COL7A1: variants seen among roughly 807,000 people sequenced by gnomAD.
The protein encoded by COL7A1 is collagen alpha-1(VII) chain.
In COL7A1, 296 loss-of-function variants were observed where a neutral mutation model predicts 456.2. That is an observed-to-expected ratio of 0.65 (90% CI 0.59 to 0.71). The LOEUF (loss-of-function observed/expected upper bound fraction) is 0.71, where lower values mean the gene tolerates loss of function less well. Among genes scored for constraint, COL7A1 ranks in the 30% least tolerant of loss-of-function variants. The probability of loss-of-function intolerance (pLI) is 0.00; values close to 1 mark genes in which losing one functional copy is unlikely to be tolerated. For synonymous variants in COL7A1, 1,464 were observed against 1,525.9 expected (o/e 0.96, Z 0.95); for missense variants, 3,441 against 4,017.2 (o/e 0.86, Z 3.88).
Position 48,574,989 on chromosome 3 carries a change from A to C in COL7A1, c.6279+75T>G. The C allele has an allele frequency of 1.3e-6, 2 of 1,574,006 alleles. No homozygotes were observed. Among genetic ancestry groups the C allele is most frequent in the Non-Finnish European group, 1.7e-6 (2 of 1,145,102 alleles). ...TTCCAGGGTTATGGCACACACTACC[A>C]TATTTCTGGGGACCAAGCTAAGGGT... On this transcript the variant is annotated intron_variant, in intron 76 of 118. Coordinates refer to ENST00000681320, the MANE Select transcript of COL7A1 (RefSeq NM_000094.4). The surrounding 1 kb of genome is among the most constrained non-coding windows in gnomAD (Gnocchi z 5.0).
In COL7A1 at chr3:48,582,174, G is replaced by A. The variant is rs539552717; in HGVS notation, c.4635+149C>T. 2.1e-6 allele frequency: 3 copies of A among 1,457,318 alleles called. No homozygotes were observed. The East Asian group carries it at 6.8e-5, about 33-fold the overall frequency. The allele number at this position is 1,457,318 out of a possible 1,614,324, so 90.3% of individuals were successfully genotyped here. On this transcript the variant is annotated intron_variant, in intron 47 of 118. Coordinates refer to ENST00000681320, the MANE Select transcript of COL7A1 (RefSeq NM_000094.4). ...TCACAGGATCATAGCCAAGAGTCTG[G>A]GGGCAGGTTCTAGCAGAAGGAGAGC...
rs2044104032 is a variant in COL7A1, at chr3:48,573,898, G to A, written c.6502-8C>T. On this transcript the variant is annotated splice_polypyrimidine_tract_variant and splice_region_variant and intron_variant, in intron 80 of 118. Transcript: ENST00000681320. This position sits in a 1 kb window ranked among gnomAD's most constrained non-coding sequence, Gnocchi z 5.5. ...TCTTGGACCCTGCAGACCCTACATA[G>A]AGAGGGCACTGATGAGCCTCAATCT... is the stretch of plus-strand genomic sequence containing the variant. 1 of 1,613,208 alleles carries A rather than the reference G, an allele frequency of 6.2e-7. No individual in the cohort carries two copies. Among genetic ancestry groups the A allele is most frequent in the East Asian group, 2.2e-5 (1 of 44,876 alleles).
Position 48,583,207 on chromosome 3 carries a change from G to A in COL7A1, c.4438-36C>T, listed in dbSNP as rs75111659. ...AGGGTGAGAGAAAGACAGAGAGAGAGAGGGTTGGTGGCGGGGCTTGAACGT... is the reference window on the plus strand; with the variant it reads ...AGGGTGAGAGAAAGACAGAGAGAGAAAGGGTTGGTGGCGGGGCTTGAACGT... On this transcript the variant is annotated intron_variant, in intron 42 of 118. Coordinates refer to ENST00000681320, the MANE Select transcript of COL7A1 (RefSeq NM_000094.4). This position sits in a 1 kb window ranked among gnomAD's most constrained non-coding sequence, Gnocchi z 5.1. 103 of 1,612,804 alleles carry A rather than the reference G, an allele frequency of 6.4e-5. No individual in the cohort carries two copies. The East Asian group carries it at 2.3e-3, about 35-fold the overall frequency.
In COL7A1 at chr3:48,586,546, C is replaced by A; in HGVS notation, c.3403+17G>T. The A allele has an allele frequency of 6.2e-7, 1 of 1,613,768 alleles. No homozygotes were observed. The highest frequency in any genetic ancestry group is 1.3e-5 in the African/African-American group (1 of 75,050). ...CAGTGGATAGCCCCAGGAGTCCATG[C>A]CTGCTGCAGTCCTCACCCAGGTTGT... is the stretch of plus-strand genomic sequence containing the variant. On this transcript the variant is annotated intron_variant, in intron 26 of 118. Transcript: ENST00000681320. This position sits in a 1 kb window ranked among gnomAD's most constrained non-coding sequence, Gnocchi z 5.1.
Position 48,574,013 on chromosome 3 carries a change from C to G in COL7A1, c.6502-123G>C, listed in dbSNP as rs1027713832. ...TCACCCTTTCCAGTCACAGATAATA[C>G]CTACCCATGGACTGCCTCTCATAGA... On this transcript the variant is annotated intron_variant, in intron 80 of 118. Transcript: ENST00000681320. This position sits in a 1 kb window ranked among gnomAD's most constrained non-coding sequence, Gnocchi z 5.0. 2.5e-5 allele frequency: 32 copies of G among 1,306,006 alleles called. No homozygotes were observed. Among genetic ancestry groups the G allele is most frequent in the Non-Finnish European group, 3.3e-5 (31 of 927,542 alleles). 80.9% of individuals were successfully genotyped at this position (1,306,006 alleles called of 1,614,324 possible). A position where few individuals can be genotyped will look rare whatever the true frequency, so the allele number is the denominator to read the frequency against.
rs376080947 is a variant in COL7A1, at chr3:48,579,577, A to G, written c.5235+11T>C. 2 of 1,613,846 alleles carry G rather than the reference A, an allele frequency of 1.2e-6. No homozygotes were observed. The highest frequency in any genetic ancestry group is 1.1e-5 in the South Asian group (1 of 91,076). ...CCCATGCCTGCACCCCCGAGGACCA[A>G]TCACACTCACCCTTTCCCCAGGGGC... On this transcript the variant is annotated intron_variant, in intron 59 of 118. Transcript: ENST00000681320. This position sits in a 1 kb window ranked among gnomAD's most constrained non-coding sequence, Gnocchi z 4.4.
rs879083088 is a variant in COL7A1, at chr3:48,582,223, G to A, written c.4635+100C>T. The A allele has an allele frequency of 1.4e-4, 221 of 1,598,016 alleles. 7 individuals carry two copies. In the South Asian group the frequency reaches 2.0e-3, roughly 14 times the overall value. ...GCCGCAGAGCTCCCAGCCTGCTCAC[G>A]GGCCCAGCACTGTGGAATCACAGCC... On this transcript the variant is annotated intron_variant, in intron 47 of 118. Coordinates refer to ENST00000681320, the MANE Select transcript of COL7A1 (RefSeq NM_000094.4).
chr3:48,583,164 C>T lies in COL7A1; in HGVS notation c.4445G>A (p.Arg1482Gln), dbSNP rs570707807. ...PPGAIGPKGD[R>Q]GFPGPLGEAG... Reference sequence around the variant, plus strand: ...CTCACCCAGGGGCCCTGGAAAGCCCCGGTCACCCTGAAGAGAGAGGGTGAG... The same window carrying T: ...CTCACCCAGGGGCCCTGGAAAGCCCTGGTCACCCTGAAGAGAGAGGGTGAG... Residue 1482 changes from arginine to glutamine, a missense_variant, in exon 43 of 119, where the codon CGG becomes CAG. By Grantham distance (43) the Arg-to-Gln change is conservative. Coordinates refer to ENST00000681320, the MANE Select transcript of COL7A1 (RefSeq NM_000094.4). This position sits in a 1 kb window ranked among gnomAD's most constrained non-coding sequence, Gnocchi z 5.1. 96 of 1,613,704 alleles carry T rather than the reference C, an allele frequency of 5.9e-5. No individual in the cohort carries two copies. The highest frequency in any genetic ancestry group is 7.1e-5 in the Non-Finnish European group (84 of 1,179,988).
In COL7A1 at chr3:48,587,031, T is replaced by A; in HGVS notation, c.3217A>T (p.Arg1073Trp). The A allele has an allele frequency of 6.2e-7, 1 of 1,606,640 alleles. No individual in the cohort carries two copies. The highest frequency in any genetic ancestry group is 8.5e-7 in the Non-Finnish European group (1 of 1,176,626). The change falls in exon 25 of 119, where the codon AGG (arginine) becomes TGG (tryptophan). Residue 1073 changes from arginine (R) to tryptophan (W), a missense_variant. Transcript: ENST00000681320. This position sits in a 1 kb window ranked among gnomAD's most constrained non-coding sequence, Gnocchi z 6.1. ...QDNAHRAEAT[R>W]RVLERLVLAL... ...AACACCAGACGCTCCAGGACCCTCC[T>A]CGTAGCCTCCGCACGGTGAGCATTG...
rs367955042 is a variant in COL7A1 at position 48,578,990 on chromosome 3, T to C, written c.5389-36A>G. ...ACTCAAAGTCAGTTCATCATGGTCA[T>C]GGGGTCAGGGGCTCTAGTCCCTGTG... On this transcript the variant is annotated intron_variant, in intron 62 of 118. Coordinates refer to ENST00000681320, the MANE Select transcript of COL7A1 (RefSeq NM_000094.4). The surrounding 1 kb of genome is among the most constrained non-coding windows in gnomAD (Gnocchi z 4.7). The C allele has an allele frequency of 3.3e-5, 54 of 1,613,738 alleles. 1 individual carries two copies. The Middle Eastern group carries it at 4.9e-4, about 15-fold the overall frequency.
chr3:48,565,454 A>C lies in COL7A1; in HGVS notation c.8483T>G (p.Leu2828Arg). 6.2e-7 allele frequency: 1 copy of C among 1,613,188 alleles called. No individual in the cohort carries two copies. The highest frequency in any genetic ancestry group is 8.5e-7 in the Non-Finnish European group (1 of 1,179,620). Residue 2828 changes from leucine to arginine, a missense_variant, in exon 116 of 119, where the codon CTC becomes CGC. This residue lies in a region of COL7A1 where 2,084 missense variants were observed against 2,501.3 expected (regional missense o/e 0.83). Transcript: ENST00000681320. This position sits in a 1 kb window ranked among gnomAD's most constrained non-coding sequence, Gnocchi z 4.5. ...SYAADTAGSQ[L>R]HAVPVLRVSH... ...GACGCGGAGCACAGGCACAGCATGG[A>C]GCTGGGAGCCGGCAGTGTCTGCAGC...
At position 48,568,403 on chromosome 3, in the gene COL7A1, C is replaced by A; in HGVS notation, c.7794+96G>T. 1.5e-6 allele frequency: 2 copies of A among 1,303,184 alleles called. No homozygotes were observed. The highest frequency in any genetic ancestry group is 1.3e-5 in the South Asian group (1 of 75,970). 80.7% of individuals were successfully genotyped at this position (1,303,184 alleles called of 1,614,324 possible). Reference sequence around the variant, plus strand: ...TGAGGACACCATGAGAGCACTGGGTCACTATAAGGTCAAAAGCTACCACAC... The same window carrying A: ...TGAGGACACCATGAGAGCACTGGGTAACTATAAGGTCAAAAGCTACCACAC... On this transcript the variant is annotated intron_variant, in intron 105 of 118. Transcript: ENST00000681320. This position sits in a 1 kb window ranked among gnomAD's most constrained non-coding sequence, Gnocchi z 5.2.
Position 48,588,424 on chromosome 3 carries a change from A to C in COL7A1, c.2588-20T>G. The C allele has an allele frequency of 1.2e-6, 2 of 1,605,916 alleles. No homozygotes were observed. Among genetic ancestry groups the C allele is most frequent in the Non-Finnish European group, 1.7e-6 (2 of 1,179,534 alleles). ...CAGGCGCTGGAGAGAAAGCTCAGGAATCAGGGAGGCTCTGCCCCCATGGCC... is the reference window on the plus strand; with the variant it reads ...CAGGCGCTGGAGAGAAAGCTCAGGACTCAGGGAGGCTCTGCCCCCATGGCC... On this transcript the variant is annotated intron_variant, in intron 20 of 118. Transcript: ENST00000681320. The surrounding 1 kb of genome is among the most constrained non-coding windows in gnomAD (Gnocchi z 4.6).
chr3:48,589,772 C>T, intron 16 of COL7A1, 54 bp from the exon 17 acceptor site: 1 of 1,613,058 alleles, frequency 6.2e-7, no homozygotes, highest in Non-Finnish European at 8.5e-7. Context: ...AGGAGTGGGG[C>T]TATCTGATAG....
Position 48,575,782 on chromosome 3 carries a change from G to A in COL7A1, c.5857-34C>T, listed in dbSNP as rs998691975. ...CAGCAAGAGGTCAGAGGAGCGGGGT[G>A]CGTCGCCGCAGCCCCTATGCCTGTG... On this transcript the variant is annotated intron_variant, in intron 72 of 118. Transcript: ENST00000681320. This position sits in a 1 kb window ranked among gnomAD's most constrained non-coding sequence, Gnocchi z 6.3. 5 of 1,614,036 alleles carry A rather than the reference G, an allele frequency of 3.1e-6. No homozygotes were observed. The highest frequency in any genetic ancestry group is 4.2e-6 in the Non-Finnish European group (5 of 1,180,012).
rs1399495208 is a variant in COL7A1, at chr3:48,586,334, GA to G, written c.3547del (p.Ser1183LeufsTer6). The G allele has an allele frequency of 6.2e-7, 1 of 1,613,744 alleles. No individual in the cohort carries two copies. The highest frequency in any genetic ancestry group is 1.3e-5 in the African/African-American group (1 of 74,918). ...TTCCCCATCAGCCTACTCCTTACCA[GA>G]AGCCTGGGCCTCACGGATGGGGCTG... Reference protein sequence around the residue: ...IFSPIREAQASGLNVVMLGMA... With the variant: ...IFSPIREAQAXGLNVVMLGMA... On this transcript the variant is annotated frameshift_variant, in exon 27 of 119. Transcript: ENST00000681320. LOFTEE classifies it high-confidence loss of function. The surrounding 1 kb of genome is among the most constrained non-coding windows in gnomAD (Gnocchi z 5.1).
At chr3:48,577,550 C>A (rs1306290244) in intron 65 of COL7A1, among the ~76,000 whole-genome samples, 1 of 152,254 alleles carries the variant, frequency 6.6e-6, no homozygotes, top group Admixed American at 6.5e-5. Flanking sequence ...CATATAAAGT[C>A]ATGGGCCAGC....
chr3:48,572,665 G>C lies in COL7A1; in HGVS notation c.6900+6C>G. 6.2e-7 allele frequency: 1 copy of C among 1,603,566 alleles called. No individual in the cohort carries two copies. Among genetic ancestry groups the C allele is most frequent in the Non-Finnish European group, 8.5e-7 (1 of 1,175,074 alleles). On this transcript the variant is annotated splice_donor_region_variant and intron_variant, in intron 88 of 118. Transcript: ENST00000681320. The surrounding 1 kb of genome is among the most constrained non-coding windows in gnomAD (Gnocchi z 4.6). Reference sequence around the variant, plus strand: ...GCAGGGGGTGGAAGTCAGGGTCAAAGATCACCTGTCCAGGGGCCCCCGTGG... The same window carrying C: ...GCAGGGGGTGGAAGTCAGGGTCAAACATCACCTGTCCAGGGGCCCCCGTGG...
chr3:48,585,916 C>T lies in COL7A1; in HGVS notation c.3759+24G>A. ...GCTAGCCCCAGGTGCAGCCTCTGTT[C>T]ACCTCTCGATGAGGGACTCTTACCT... On this transcript the variant is annotated intron_variant, in intron 29 of 118. Coordinates refer to ENST00000681320, the MANE Select transcript of COL7A1 (RefSeq NM_000094.4). This position sits in a 1 kb window ranked among gnomAD's most constrained non-coding sequence, Gnocchi z 4.5. 2 of 1,614,126 alleles carry T rather than the reference C, an allele frequency of 1.2e-6. No individual in the cohort carries two copies. Among genetic ancestry groups the T allele is most frequent in the Non-Finnish European group, 1.7e-6 (2 of 1,180,018 alleles).
Sources: allele counts gnomAD v4.1 joint callset (sites outside exome capture counted in the v4.1 genomes callset), GRCh38; gene constraint gnomAD v4.1.1; regional missense constraint gnomAD v4.1.1; non-coding constraint Gnocchi (gnomAD v3.1); transcripts MANE v1.5; gene names NCBI Gene and HGNC (gene_info 2026-07-23, HGNC 2026-07-21).